KLHL13: variants seen among roughly 807,000 people sequenced by gnomAD.
The protein encoded by KLHL13 is kelch like family member 13.
KLHL13 carries 10 observed loss-of-function variants against 37.1 expected under a neutral mutation model. That is an observed-to-expected ratio of 0.27 (90% CI 0.17 to 0.46). KLHL13 has a LOEUF of 0.46. KLHL13 is among the 20% of genes least tolerant of loss of function. The pLI, the probability that KLHL13 is intolerant of heterozygous loss-of-function variation, is 1.00. For missense variants in KLHL13, 360 were observed against 509.3 expected (o/e 0.71, Z 2.82); for synonymous variants, 163 against 181.2 (o/e 0.90, Z 0.81).
chrX:118,042,864 T>C (rs2054519293), intron 1 of KLHL13, among the ~76,000 whole-genome samples: 1 of 105,998 alleles, frequency 9.4e-6, no homozygotes, highest in Admixed American at 1.0e-4. Context: ...AAACCCAAAC[T>C]TAGTAGAAGA....
intron 1 of KLHL13, among the ~76,000 whole-genome samples, chrX:117,957,451 G>A (rs1440639934): frequency 1.8e-5 from 2 of 111,748 alleles, no homozygotes; most frequent in Admixed American, 9.5e-5. Flanking sequence ...CAGAACAAAC[G>A]AAAATCCAAA....
chrX:117,988,028 T>C (rs2053747608), intron 1 of KLHL13, among the ~76,000 whole-genome samples: 1 of 112,346 alleles, frequency 8.9e-6, no homozygotes, highest in Admixed American at 9.4e-5. Flanking sequence ...AATGGCACCA[T>C]AGATTTTAAA....
chrX:117,999,410 A>G lies in KLHL13; in HGVS notation c.-55-53835T>C, dbSNP rs908536044. ...CCTTTGTAGGGACATGGATGAAGCTAGAAACCATCATTCTCAGCAAACTAT... is the reference window on the plus strand; with the variant it reads ...CCTTTGTAGGGACATGGATGAAGCTGGAAACCATCATTCTCAGCAAACTAT... On this transcript the variant is annotated intron_variant, in intron 1 of 6. Transcript: ENST00000371882. Among the ~76,000 whole-genome samples, 57 of 111,148 alleles carry G rather than the reference A, an allele frequency of 5.1e-4. 1 individual carries two copies. The highest frequency in any genetic ancestry group is 1.8e-3 in the African/African-American group (56 of 30,567).
At chrX:118,070,699 C>T (rs1179617467) in intron 1 of KLHL13, among the ~76,000 whole-genome samples, 2 of 109,739 alleles carry the variant, frequency 1.8e-5, no homozygotes, top group Admixed American at 9.7e-5. Flanking sequence ...CAATTTTCCA[C>T]TCCAATTGGT....
intron 2 of KLHL13, among the ~76,000 whole-genome samples, chrX:117,937,316 G>A (rs1306971082): frequency 9.0e-6 from 1 of 111,354 alleles, no homozygotes; most frequent in East Asian, 2.8e-4. Flanking sequence ...GCAACATAGA[G>A]TGGTATCTCT....
chrX:117,973,819 AC>A (rs1202810193), upstream of KLHL13: 216 of 506,231 alleles, frequency 4.3e-4, no homozygotes, highest in South Asian at 1.0e-3. Flanking sequence ...CTTGTTCACC[AC>A]CCCCCCCACT....
intron 1 of KLHL13, among the ~76,000 whole-genome samples, chrX:118,101,709 T>A (rs1420791055): frequency 1.8e-5 from 2 of 111,177 alleles, no homozygotes; most frequent in Admixed American, 1.9e-4. Context: ...GTAATCCCCA[T>A]GTGTCAAGGG....
At position 118,089,620 on chromosome X, in the gene KLHL13, G is replaced by GAGAAAGAAAGAAAGAAAGAAGAA. The variant is rs1556002571; in HGVS notation, c.-56+26887_-56+26888insTTCTTCTTTCTTTCTTTCTTTCT. On this transcript the variant is annotated intron_variant, in intron 1 of 6. Transcript: ENST00000371882. ...AGAGAGAGAGAGAGAGAGAAAGAAA[G>GAGAAAGAAAGAAAGAAAGAAGAA]AGAAAGAAAGAAAGAAAGAAAGAAA... Among the ~76,000 whole-genome samples the GAGAAAGAAAGAAAGAAAGAAGAA allele has an allele frequency of 7.2e-3, 516 of 71,910 alleles. 9 individuals are homozygous for GAGAAAGAAAGAAAGAAAGAAGAA. Among genetic ancestry groups the GAGAAAGAAAGAAAGAAAGAAGAA allele is most frequent in the African/African-American group, 0.027 (460 of 17,288 alleles). The allele number at this position is 71,910 out of a possible 115,157, so 62.4% of individuals were successfully genotyped here. A position where few individuals can be genotyped will look rare whatever the true frequency, so the allele number is the denominator to read the frequency against.
chrX:118,063,901 T>C (rs1023736694), intron 1 of KLHL13, among the ~76,000 whole-genome samples: 1 of 112,123 alleles, frequency 8.9e-6, no homozygotes, highest in African/African-American at 3.2e-5. Flanking sequence ...TGCATATTCT[T>C]CACCATGCAG....
chrX:118,059,168 A>G (rs903291204), intron 1 of KLHL13, among the ~76,000 whole-genome samples: 1 of 112,135 alleles, frequency 8.9e-6, no homozygotes, highest in African/African-American at 3.2e-5. Context: ...CAGATCCTAC[A>G]GCATCTCTAA....
At chrX:117,903,083 A>G (rs1930206519) in intron 5 of KLHL13, among the ~76,000 whole-genome samples, 1 of 107,992 alleles carries the variant, frequency 9.3e-6, no homozygotes, top group Non-Finnish European at 1.9e-5. Context: ...CTGATGAATC[A>G]ACCTTTGAAT....
At chrX:117,973,046 A>G (rs2053550142) in exon 1 of KLHL13, 1 of 1,040,613 alleles carries the variant, frequency 9.6e-7, no homozygotes, top group East Asian at 3.6e-5. Context: ...ATGATGATTC[A>G]ATCATTCCAA....
In KLHL13 at chrX:118,057,243, G is replaced by A. The variant is rs142569677; in HGVS notation, c.-56+59265C>T. Among the ~76,000 whole-genome samples the A allele has an allele frequency of 1.5e-3, 166 of 112,122 alleles. 2 individuals are homozygous for A. Among genetic ancestry groups the A allele is most frequent in the African/African-American group, 5.2e-3 (161 of 30,862 alleles). On this transcript the variant is annotated intron_variant, in intron 1 of 6. Transcript: ENST00000371882. ...AAGTGTTCCAAGACTGTTCATTGAG[G>A]AGAGGAAAGTCTCTTCAACATATGG...
chrX:118,012,549 C>G (rs1288509496), intron 1 of KLHL13, among the ~76,000 whole-genome samples: 3 of 109,176 alleles, frequency 2.7e-5, no homozygotes, highest in East Asian at 5.8e-4. Flanking sequence ...TGCAATGGGC[C>G]TGCCTGAACG....
At chrX:117,968,797 A>T (rs2053478470) in intron 1 of KLHL13, among the ~76,000 whole-genome samples, 1 of 111,771 alleles carries the variant, frequency 8.9e-6, no homozygotes. Context: ...TAAATTAGAA[A>T]AAAAAGACAA....
chrX:117,911,902 T>G (rs1444939766), intron 4 of KLHL13, among the ~76,000 whole-genome samples: 2 of 112,023 alleles, frequency 1.8e-5, no homozygotes, highest in African/African-American at 6.5e-5. Context: ...ATTTTTAAAA[T>G]ACCTAACACA....
intron 1 of KLHL13, among the ~76,000 whole-genome samples, chrX:117,954,466 T>C (rs912360198): frequency 1.8e-5 from 2 of 112,108 alleles, no homozygotes; most frequent in Admixed American, 1.9e-4. Flanking sequence ...GGTAGGTAGA[T>C]AAGGTATGTA....
chrX:118,096,944 T>A (rs762170692), intron 1 of KLHL13, among the ~76,000 whole-genome samples: 55 of 111,111 alleles, frequency 4.9e-4, no homozygotes, highest in Non-Finnish European at 9.8e-4. Flanking sequence ...TAATAAGAGC[T>A]ATCTATGACA....
At chrX:117,968,621 T>C (rs1380034407) in intron 1 of KLHL13, among the ~76,000 whole-genome samples, 9 of 111,956 alleles carry the variant, frequency 8.0e-5, no homozygotes, top group Non-Finnish European at 1.1e-4. Flanking sequence ...AGTAAAAGTT[T>C]ATGTTCTCAA....
Sources: allele counts gnomAD v4.1 joint callset (sites outside exome capture counted in the v4.1 genomes callset), GRCh38; gene constraint gnomAD v4.1.1; transcripts MANE v1.5; gene names NCBI Gene and HGNC (gene_info 2026-07-23, HGNC 2026-07-21).